Variants in INO80D observed in about 807,000 individuals in gnomAD.
The protein encoded by INO80D is INO80 complex subunit D.
INO80D carries 21 observed loss-of-function variants against 87.6 expected under a neutral mutation model. The observed-to-expected ratio is 0.24, with a 90% confidence interval of 0.17 to 0.35. The LOEUF (loss-of-function observed/expected upper bound fraction) is 0.35. INO80D is among the 10% of genes least tolerant of loss of function. The pLI is 1.00. For synonymous variants in INO80D, 440 were observed against 491.0 expected, an observed-to-expected ratio of 0.90 and a Z score of 1.37; for missense variants, 982 against 1,280.7, an observed-to-expected ratio of 0.77 and a Z score of 3.56.
At chr2:206,015,868 C>T (rs892846197) in intron 8 of INO80D, among the ~76,000 whole-genome samples, 4 of 151,880 alleles carry the variant, frequency 2.6e-5, no homozygotes, top group Admixed American at 6.6e-5. Flanking sequence ...GCCTGGGTGA[C>T]AGAGTGAGAC....
intron 5 of INO80D, among the ~76,000 whole-genome samples, chr2:206,045,139 C>G (rs1366636016): frequency 6.6e-6 from 1 of 152,128 alleles, no homozygotes; most frequent in Non-Finnish European, 1.5e-5. Context: ...CTAATAAAAT[C>G]CAACTAACCC....
intron 1 of INO80D, among the ~76,000 whole-genome samples, chr2:206,074,629 G>A (rs1173787720): frequency 6.6e-6 from 1 of 152,020 alleles, no homozygotes; most frequent in East Asian, 1.9e-4. Context: ...AATATGATTA[G>A]GTTTAGGTTT....
chr2:206,073,323 C>T (rs1023702415), intron 1 of INO80D, among the ~76,000 whole-genome samples: 1 of 152,156 alleles, frequency 6.6e-6, no homozygotes, highest in African/African-American at 2.4e-5. Context: ...TTACCCCTAG[C>T]CTTCCACAGC....
chr2:206,062,341 T>C lies in INO80D; in HGVS notation c.218+458A>G, dbSNP rs1370743888. ...TTTACTAACTTCTAGGCATAGATTT[T>C]AAACTCCAAAATTGCTATCATTAAT... is the stretch of plus-strand genomic sequence containing the variant. On this transcript the variant is annotated intron_variant, in intron 3 of 10. Transcript: ENST00000403263. This position sits in a 1 kb window ranked among gnomAD's most constrained non-coding sequence, Gnocchi z 4.6. Among the ~76,000 whole-genome samples the C allele has an allele frequency of 6.6e-6, 1 of 152,180 alleles. No homozygotes were observed. Among genetic ancestry groups the C allele is most frequent in the Non-Finnish European group, 1.5e-5 (1 of 68,040 alleles).
intron 5 of INO80D, among the ~76,000 whole-genome samples, chr2:206,042,514 T>C (rs1456957276): frequency 1.3e-5 from 2 of 151,836 alleles, no homozygotes; most frequent in Non-Finnish European, 2.9e-5. Context: ...AAACCCTGTC[T>C]CTACTAAAAA....
At chr2:206,024,863 C>G (rs943196100) in intron 6 of INO80D, among the ~76,000 whole-genome samples, 5 of 152,070 alleles carry the variant, frequency 3.3e-5, no homozygotes, top group African/African-American at 1.2e-4. Flanking sequence ...TCAAGCAATT[C>G]TCCTGCCTCA....
intron 6 of INO80D, among the ~76,000 whole-genome samples, chr2:206,022,444 C>T (rs1477953874): frequency 1.3e-5 from 2 of 151,876 alleles, no homozygotes; most frequent in Non-Finnish European, 2.9e-5. Flanking sequence ...CCAAATAAGC[C>T]CAACAAACAA....
chr2:206,032,007 G>C (rs1232893502), intron 5 of INO80D, among the ~76,000 whole-genome samples: 1 of 152,172 alleles, frequency 6.6e-6, no homozygotes, highest in Non-Finnish European at 1.5e-5. Context: ...AAATAACAGG[G>C]GTAGAGAAAG....
chr2:206,028,892 G>GTTT (rs985306696), intron 5 of INO80D, among the ~76,000 whole-genome samples: 1 of 142,890 alleles, frequency 7.0e-6, no homozygotes, highest in Non-Finnish European at 1.5e-5. Context: ...TTGTTTTTTT[G>GTTT]TTTTTTTTTT....
chr2:206,041,094 T>C (rs1689036431), intron 5 of INO80D, among the ~76,000 whole-genome samples: 1 of 152,044 alleles, frequency 6.6e-6, no homozygotes, highest in South Asian at 2.1e-4. Context: ...AAACAAAGCA[T>C]ATGAGTACAG....
Position 206,028,118 on chromosome 2 carries a change from G to C in INO80D, c.1291C>G (p.Arg431Gly). 1 of 1,537,518 alleles carries C rather than the reference G, an allele frequency of 6.5e-7. No individual in the cohort carries two copies. Among genetic ancestry groups the C allele is most frequent in the South Asian group, 1.2e-5 (1 of 83,526 alleles). ...IQELRRAACS[R>G]TSISRTKLRE... The stretch of plus-strand genomic sequence containing the variant: ...GGTTGCTGTGGCTCTAACCTGGTTC[G>C]ACTGCATGCAGCTCTCCGCAGTTCT... Residue 431 changes from arginine (R) to glycine (G), a missense_variant, in exon 6 of 11, where the codon CGA becomes GGA. Physicochemically the swap from Arg to Gly is moderately radical, Grantham distance 125. Transcript: ENST00000403263.
intron 6 of INO80D, among the ~76,000 whole-genome samples, chr2:206,027,282 A>G (rs1260247027): frequency 6.6e-6 from 1 of 152,238 alleles, no homozygotes; most frequent in African/African-American, 2.4e-5. Flanking sequence ...TGTATTTTTA[A>G]AATTTTCCAC....
At chr2:206,029,007 C>T (rs1688693570) in intron 5 of INO80D, among the ~76,000 whole-genome samples, 1 of 151,908 alleles carries the variant, frequency 6.6e-6, no homozygotes, top group Admixed American at 6.6e-5. Flanking sequence ...CCTGCCTCAG[C>T]CTCATGAGTA....
At chr2:206,080,435 A>G (rs1315213684) in intron 1 of INO80D, among the ~76,000 whole-genome samples, 1 of 152,210 alleles carries the variant, frequency 6.6e-6, no homozygotes, top group African/African-American at 2.4e-5. Flanking sequence ...AAATTCAAAC[A>G]GCAGAGACTA....
In INO80D at chr2:205,999,705, T is replaced by C. The variant is rs541826077; in HGVS notation, c.*4663A>G. 1 of 152,320 alleles carries C rather than the reference T, an allele frequency of 6.6e-6. No homozygotes were observed. Among genetic ancestry groups the C allele is most frequent in the Non-Finnish European group, 1.5e-5 (1 of 68,034 alleles). 9.4% of individuals were successfully genotyped at this position (152,320 alleles called of 1,614,324 possible). On this transcript the variant is annotated 3_prime_UTR_variant, in exon 11 of 11. Coordinates refer to ENST00000403263, the MANE Select transcript of INO80D (RefSeq NM_017759.5). ...TTATGTTTTATGTTTTCTTTCCTAA[T>C]TCATTAGTCAGGGAAAAATGCTTAA...
intron 8 of INO80D, among the ~76,000 whole-genome samples, chr2:206,015,975 T>C (rs953391688): frequency 6.6e-6 from 1 of 152,058 alleles, no homozygotes; most frequent in Non-Finnish European, 1.5e-5. Context: ...TCTGCTAGAA[T>C]AGTGCAGAAG....
chr2:206,032,516 C>T (rs1688795554), intron 5 of INO80D, among the ~76,000 whole-genome samples: 1 of 152,152 alleles, frequency 6.6e-6, no homozygotes, highest in Non-Finnish European at 1.5e-5. Context: ...GACACATTGT[C>T]ATTAGGTTAT....
At chr2:206,080,430 C>T (rs917711289) in intron 1 of INO80D, among the ~76,000 whole-genome samples, 1 of 152,186 alleles carries the variant, frequency 6.6e-6, no homozygotes, top group Non-Finnish European at 1.5e-5. Flanking sequence ...ATTCCAAATT[C>T]AAACAGCAGA....
At chr2:206,032,121 C>A (rs1305279989) in intron 5 of INO80D, among the ~76,000 whole-genome samples, 1 of 152,134 alleles carries the variant, frequency 6.6e-6, no homozygotes, top group African/African-American at 2.4e-5. Context: ...GGGGAAAATG[C>A]CACAGGGAGA....
Sources: gnomAD v4.1 joint callset for allele counts (sites outside exome capture counted in the v4.1 genomes callset) on GRCh38, gnomAD v4.1.1 for gene constraint, Gnocchi (gnomAD v3.1) non-coding constraint, MANE v1.5 for transcripts, NCBI Gene and HGNC (gene_info 2026-07-23, HGNC 2026-07-21) for gene names.